Variants in SLC14A2 observed in about 807,000 individuals in gnomAD.
SLC14A2 encodes solute carrier family 14 member 2, also known as urea transporter 2.
In SLC14A2, 91 loss-of-function variants were observed where a neutral mutation model predicts 104.6. The observed-to-expected ratio is 0.87, with a 90% CI of 0.73 to 1.04. The LOEUF is 1.04. Ranked by LOEUF, SLC14A2 falls within the 50% of genes least tolerant of loss-of-function variation. SLC14A2 has a pLI of 0.00. For synonymous variants in SLC14A2, 476 were observed against 466.4 expected (o/e 1.02, Z -0.27); for missense variants, 1,189 against 1,156.0 (o/e 1.03, Z -0.41).
intron 1 of SLC14A2, among the ~76,000 whole-genome samples, chr18:45,303,848 T>G (rs1311259643): frequency 6.6e-6 from 1 of 152,210 alleles, no homozygotes; most frequent in Non-Finnish European, 1.5e-5. Context: ...CATGGAACAC[T>G]AATATTAGAG....
intron 2 of SLC14A2, among the ~76,000 whole-genome samples, chr18:45,590,785 CATTG>C (rs1324912606): frequency 2.6e-5 from 4 of 152,222 alleles, no homozygotes; most frequent in African/African-American, 9.6e-5. Context: ...TAAAAGCTGA[CATTG>C]ATTGAGTGCT....
chr18:45,352,267 A>G (rs2085510760), intron 1 of SLC14A2, among the ~76,000 whole-genome samples: 1 of 152,154 alleles, frequency 6.6e-6, no homozygotes, highest in Admixed American at 6.6e-5. Context: ...GCTTCTGGAA[A>G]GGGAATGACA....
intron 1 of SLC14A2, among the ~76,000 whole-genome samples, chr18:45,250,934 A>C (rs2084416824): frequency 6.6e-6 from 1 of 151,980 alleles, no homozygotes; most frequent in African/African-American, 2.4e-5. Flanking sequence ...AATAATATTC[A>C]CTGCTCCTCT....
intron 2 of SLC14A2, among the ~76,000 whole-genome samples, chr18:45,570,747 G>A (rs150456593): frequency 3.9e-4 from 60 of 152,308 alleles, no homozygotes; most frequent in African/African-American, 1.3e-3. Flanking sequence ...CCAAGATTGT[G>A]AAATGAGACA....
chr18:45,620,199 C>T (rs1246415965), intron 1 of SLC14A2, among the ~76,000 whole-genome samples: 2 of 152,066 alleles, frequency 1.3e-5, no homozygotes, highest in African/African-American at 4.8e-5. Flanking sequence ...AGAAACACAA[C>T]AGCGGGCTGA....
At chr18:45,431,737 G>C (rs1049450443) in intron 1 of SLC14A2, among the ~76,000 whole-genome samples, 1 of 152,178 alleles carries the variant, frequency 6.6e-6, no homozygotes, top group East Asian at 1.9e-4. Flanking sequence ...CAGTGAATAC[G>C]GTCAGAGCTT....
intron 1 of SLC14A2, among the ~76,000 whole-genome samples, chr18:45,458,540 A>G (rs1268383544): frequency 6.6e-6 from 1 of 152,150 alleles, no homozygotes; most frequent in Admixed American, 6.5e-5. Flanking sequence ...TCTCTCTGTG[A>G]CATCATGCTT....
intron 1 of SLC14A2, among the ~76,000 whole-genome samples, chr18:45,414,250 C>T (rs1179124658): frequency 1.3e-5 from 2 of 152,198 alleles, no homozygotes; most frequent in Non-Finnish European, 2.9e-5. Flanking sequence ...TGGCACTCAA[C>T]ATGCACAATT....
intron 1 of SLC14A2, among the ~76,000 whole-genome samples, chr18:45,340,543 G>T (rs1021215516): frequency 6.6e-6 from 1 of 152,194 alleles, no homozygotes; most frequent in African/African-American, 2.4e-5. Flanking sequence ...ATCATAGAAT[G>T]CCTAACAGAA....
chr18:45,658,318 C>T (rs1567997318), intron 10 of SLC14A2, among the ~76,000 whole-genome samples: 1 of 152,114 alleles, frequency 6.6e-6, no homozygotes, highest in Non-Finnish European at 1.5e-5. Context: ...TGGTAGCTCA[C>T]GCCTGTAATC....
intron 1 of SLC14A2, chr18:45,447,111 A>G (rs2086783263): frequency 6.6e-6 from 1 of 151,548 alleles, no homozygotes; most frequent in Non-Finnish European, 1.5e-5. Flanking sequence ...GGTGGGAGGG[A>G]TGGGGGGTGG....
At chr18:45,453,731 A>G (rs900535942) in intron 1 of SLC14A2, among the ~76,000 whole-genome samples, 2 of 152,116 alleles carry the variant, frequency 1.3e-5, no homozygotes, top group Non-Finnish European at 1.5e-5. Context: ...CTGCATCCAC[A>G]TGAGGTAGGG....
Position 45,624,685 on chromosome 18 carries a change from T to C in SLC14A2, c.21T>C (p.Ser7=). 1 of 1,612,644 alleles carries C rather than the reference T, an allele frequency of 6.2e-7. No individual in the cohort carries two copies. The highest frequency in any genetic ancestry group is 8.5e-7 in the Non-Finnish European group (1 of 1,179,436). Residue 7 remains serine (S), a synonymous_variant, in exon 2 of 20, where the codon AGT becomes AGC. Transcript: ENST00000255226. ...AAGGAATGTCTGACCCCCACAGCAGTCCTCTCCTGCCAGAGCCACTTTCCA... is the reference window on the plus strand; with the variant it reads ...AAGGAATGTCTGACCCCCACAGCAGCCCTCTCCTGCCAGAGCCACTTTCCA... MSDPHS[S]PLLPEPLSSR...
chr18:45,616,916 G>A (rs931372141), intron 1 of SLC14A2, among the ~76,000 whole-genome samples: 1 of 152,122 alleles, frequency 6.6e-6, no homozygotes, highest in African/African-American at 2.4e-5. Context: ...TGGGCAACAT[G>A]ATGAAACCCC....
chr18:45,263,120 T>A (rs112102494), intron 1 of SLC14A2, among the ~76,000 whole-genome samples: 69 of 152,360 alleles, frequency 4.5e-4, no homozygotes, highest in African/African-American at 1.5e-3. Flanking sequence ...CATTGAGATC[T>A]CATTGGTCCT....
intron 2 of SLC14A2, 144 bp downstream of exon 2, chr18:45,624,958 G>GTC: frequency 1.3e-6 from 1 of 763,380 alleles, no homozygotes; most frequent in Non-Finnish European, 2.1e-6. Flanking sequence ...CCCATGGTGG[G>GTC]TCCTACCTGG....
At chr18:45,353,383 G>A (rs1423489688) in intron 1 of SLC14A2, among the ~76,000 whole-genome samples, 1 of 152,320 alleles carries the variant, frequency 6.6e-6, no homozygotes, top group Admixed American at 6.5e-5. Flanking sequence ...GGTGAAATGT[G>A]GGAACCAGAG....
chr18:45,640,211 G>A (rs1373826897), intron 7 of SLC14A2, among the ~76,000 whole-genome samples: 1 of 151,924 alleles, frequency 6.6e-6, no homozygotes, highest in Non-Finnish European at 1.5e-5. Context: ...AGGAGGTGGA[G>A]GTTGCAATGA....
chr18:45,451,843 C>T (rs1030468402), intron 1 of SLC14A2, among the ~76,000 whole-genome samples: 18 of 152,156 alleles, frequency 1.2e-4, no homozygotes, highest in Non-Finnish European at 2.6e-4. Context: ...CAAGTACATT[C>T]TGTTTTGAAA....
Sources: allele counts gnomAD v4.1 joint callset (sites outside exome capture counted in the v4.1 genomes callset), GRCh38; gene constraint gnomAD v4.1.1; transcripts MANE v1.5; gene names NCBI Gene and HGNC (gene_info 2026-07-23, HGNC 2026-07-21).